HEMK2: variants seen among roughly 807,000 people sequenced by gnomAD.
The protein encoded by HEMK2 is HemK methyltransferase 2, ETF1 glutamine and histone H4 lysine.
At chr21:28,714,509 A>G in the HEMK2 span, among the ~76,000 whole-genome samples, 1 of 152,244 alleles carries the variant, frequency 6.6e-6, no homozygotes, top group African/African-American at 2.4e-5. Context: ...AATCAGCTCC[A>G]GGTTGGAAAC....
chr21:28,802,124 A>G, the HEMK2 span, among the ~76,000 whole-genome samples: 1 of 152,208 alleles, frequency 6.6e-6, no homozygotes, highest in South Asian at 2.1e-4. Flanking sequence ...ATACATAAGC[A>G]AGTGCCTAGC....
the HEMK2 span, among the ~76,000 whole-genome samples, chr21:28,635,258 AC>A: frequency 2.0e-5 from 3 of 151,994 alleles, no homozygotes; most frequent in African/African-American, 7.3e-5. Flanking sequence ...GCCTGCCACC[AC>A]ACCCAGCTAA....
chr21:28,719,932 G>C, the HEMK2 span, among the ~76,000 whole-genome samples: 2 of 152,204 alleles, frequency 1.3e-5, no homozygotes, highest in African/African-American at 4.8e-5. Context: ...TATATTCCCA[G>C]CTGAGGTTGA....
chr21:28,878,448 T>C, the HEMK2 span: 2 of 1,173,872 alleles, frequency 1.7e-6, no homozygotes, highest in East Asian at 2.5e-5. Flanking sequence ...ATTTTACTGC[T>C]GACGAAGGAG....
chr21:28,623,597 G>A, the HEMK2 span, among the ~76,000 whole-genome samples: 1 of 152,146 alleles, frequency 6.6e-6, no homozygotes, highest in Non-Finnish European at 1.5e-5. Flanking sequence ...ATGCCCATCA[G>A]TGATGGACTG....
the HEMK2 span, among the ~76,000 whole-genome samples, chr21:28,776,130 C>T: frequency 6.6e-6 from 1 of 152,182 alleles, no homozygotes; most frequent in Non-Finnish European, 1.5e-5. Flanking sequence ...AGCAGACAGG[C>T]AGCGTCAAGA....
At chr21:28,822,165 C>T in the HEMK2 span, among the ~76,000 whole-genome samples, 1 of 151,216 alleles carries the variant, frequency 6.6e-6, no homozygotes, top group Admixed American at 6.6e-5. Flanking sequence ...AGTCATTTTC[C>T]TTTTTGACTT....
the HEMK2 span, among the ~76,000 whole-genome samples, chr21:28,797,869 T>C: frequency 1.6e-4 from 25 of 152,278 alleles, no homozygotes; most frequent in South Asian, 2.5e-3. Flanking sequence ...AAAGGAGCTA[T>C]TGAGAGGCTT....
At chr21:28,714,615 T>C in the HEMK2 span, among the ~76,000 whole-genome samples, 9 of 152,222 alleles carry the variant, frequency 5.9e-5, no homozygotes, top group Non-Finnish European at 1.3e-4. Flanking sequence ...AGTTGACTAA[T>C]ACACAGAAGG....
At chr21:28,834,051 G>A in the HEMK2 span, among the ~76,000 whole-genome samples, 7 of 152,194 alleles carry the variant, frequency 4.6e-5, no homozygotes, top group African/African-American at 1.2e-4. Context: ...CGTGTGCAAC[G>A]TGGTTTATGC....
chr21:28,627,200 A>C, the HEMK2 span, among the ~76,000 whole-genome samples: 1 of 152,208 alleles, frequency 6.6e-6, no homozygotes, highest in Non-Finnish European at 1.5e-5. Flanking sequence ...TTAATCTATA[A>C]GGATAGAGAT....
the HEMK2 span, among the ~76,000 whole-genome samples, chr21:28,661,734 G>T: frequency 1.5e-3 from 221 of 152,172 alleles, 1 homozygote; most frequent in Non-Finnish European, 2.7e-3. Flanking sequence ...TGACAGAAAC[G>T]TTCTGTATCT....
chr21:28,609,003 C>A, the HEMK2 span, among the ~76,000 whole-genome samples: 2 of 152,210 alleles, frequency 1.3e-5, no homozygotes, highest in African/African-American at 4.8e-5. Context: ...AGGACATAAT[C>A]TCTTGGGAGC....
the HEMK2 span, among the ~76,000 whole-genome samples, chr21:28,721,523 GA>G: frequency 6.6e-6 from 1 of 151,946 alleles, no homozygotes; most frequent in African/African-American, 2.4e-5. Flanking sequence ...GTGGCCACTA[GA>G]AAACGTTACA....
chr21:28,581,471 C>T, the HEMK2 span, among the ~76,000 whole-genome samples: 1 of 152,258 alleles, frequency 6.6e-6, no homozygotes, highest in Non-Finnish European at 1.5e-5. Context: ...AATTGCACCA[C>T]AGCTGAGGGA....
the HEMK2 span, among the ~76,000 whole-genome samples, chr21:28,682,403 C>T: frequency 6.6e-6 from 1 of 150,480 alleles, no homozygotes; most frequent in Admixed American, 6.6e-5. Context: ...CAGGAAACAA[C>T]AGGTGCTGGA....
the HEMK2 span, among the ~76,000 whole-genome samples, chr21:28,650,896 T>G: frequency 2.6e-5 from 4 of 152,148 alleles, no homozygotes; most frequent in East Asian, 7.7e-4. Context: ...GGGGATGATT[T>G]CATTTAAATG....
the HEMK2 span, among the ~76,000 whole-genome samples, chr21:28,789,637 T>C: frequency 6.6e-6 from 1 of 152,222 alleles, no homozygotes; most frequent in Admixed American, 6.5e-5. Context: ...TATCAAGTCC[T>C]ACTTAAAGTT....
the HEMK2 span, among the ~76,000 whole-genome samples, chr21:28,644,974 G>A: frequency 1.3e-5 from 2 of 152,192 alleles, no homozygotes; most frequent in Non-Finnish European, 2.9e-5. Context: ...GTTTTTTGGT[G>A]AGTTATAGGA....
Sources: allele counts gnomAD v4.1 joint callset (sites outside exome capture counted in the v4.1 genomes callset), GRCh38; gene constraint gnomAD v4.1.1; transcripts MANE v1.5; gene names NCBI Gene and HGNC (gene_info 2026-07-23, HGNC 2026-07-21).